The following MAPKAP1 variants were observed in gnomAD, a reference collection of about 807,000 sequenced individuals.
MAPKAP1 encodes the protein target of rapamycin complex 2 subunit MAPKAP1.
Under a neutral mutation model 65.7 loss-of-function variants are expected in MAPKAP1, and 20 were observed. That is an observed-to-expected ratio of 0.30 (90% CI 0.21 to 0.44). The LOEUF (loss-of-function observed/expected upper bound fraction) is 0.44. MAPKAP1 is among the 20% of genes least tolerant of loss of function. The probability of loss-of-function intolerance (pLI) is 1.00; values close to 1 mark genes in which losing one functional copy is unlikely to be tolerated. For synonymous variants in MAPKAP1, 222 were observed against 244.3 expected (o/e 0.91, Z 0.85); for missense variants, 423 against 648.0 (o/e 0.65, Z 3.77).
rs1306030802 is a variant in MAPKAP1 at position 125,577,842 on chromosome 9, G to A, written c.671+7713C>T. Among the ~76,000 whole-genome samples the A allele has an allele frequency of 2.8e-4, 41 of 147,676 alleles. No homozygotes were observed. In the South Asian group the frequency reaches 5.3e-3, roughly 19 times the overall value. On this transcript the variant is annotated intron_variant, in intron 5 of 11. Coordinates refer to ENST00000265960, the MANE Select transcript of MAPKAP1 (RefSeq NM_001006617.3). ...AGCCCCCGGCCCGGCCAACCGCCCC[G>A]TCCGGGAGCTGAGGGGCGCCTCTGC...
intron 7 of MAPKAP1, among the ~76,000 whole-genome samples, chr9:125,539,052 T>C (rs1390566987): frequency 1.3e-5 from 2 of 152,168 alleles, no homozygotes; most frequent in Non-Finnish European, 2.9e-5. Flanking sequence ...ACTGGTGACA[T>C]TCTAGGGGTC....
chr9:125,584,032 C>T (rs1831705666), intron 5 of MAPKAP1, among the ~76,000 whole-genome samples: 2 of 151,258 alleles, frequency 1.3e-5, no homozygotes, highest in Admixed American at 1.3e-4. Flanking sequence ...CACTGCACTC[C>T]AGCCTGGGCG....
intron 5 of MAPKAP1, among the ~76,000 whole-genome samples, chr9:125,573,647 C>G (rs1421675711): frequency 3.3e-5 from 5 of 152,148 alleles, no homozygotes; most frequent in Admixed American, 3.3e-4. Context: ...GGATCAAGAC[C>G]CCTGTCCTGT....
intron 1 of MAPKAP1, among the ~76,000 whole-genome samples, chr9:125,700,819 G>A (rs1252774375): frequency 1.3e-5 from 2 of 152,164 alleles, no homozygotes; most frequent in Non-Finnish European, 2.9e-5. Flanking sequence ...TGAAAGCTGG[G>A]TATTAAAATA....
chr9:125,472,498 C>T (rs1853959044), intron 9 of MAPKAP1, among the ~76,000 whole-genome samples: 1 of 152,182 alleles, frequency 6.6e-6, no homozygotes, highest in East Asian at 1.9e-4. Flanking sequence ...GACCACCGAG[C>T]ATAGTTTTGA....
At chr9:125,613,779 C>A (rs1195679250) in intron 4 of MAPKAP1, among the ~76,000 whole-genome samples, 1 of 151,922 alleles carries the variant, frequency 6.6e-6, no homozygotes, top group Non-Finnish European at 1.5e-5. Flanking sequence ...TACTATTTAA[C>A]CTTACTGAAA....
In MAPKAP1 at chr9:125,487,971, G is replaced by A. The variant is rs896514005; in HGVS notation, c.1067-3388C>T. ...TATATTTTGCTGAAATGTTAATAAT[G>A]GGCAGATGAGATGATAGGATTTTAG... On this transcript the variant is annotated intron_variant, in intron 8 of 11. Coordinates refer to ENST00000265960, the MANE Select transcript of MAPKAP1 (RefSeq NM_001006617.3). 4.6e-5 allele frequency among the ~76,000 whole-genome samples: 7 copies of A among 152,166 alleles called. No individual in the cohort carries two copies. The South Asian group carries it at 1.5e-3, about 32-fold the overall frequency.
At chr9:125,627,272 C>T (rs929167241) in intron 4 of MAPKAP1, among the ~76,000 whole-genome samples, 2 of 152,210 alleles carry the variant, frequency 1.3e-5, no homozygotes, top group African/African-American at 2.4e-5. Context: ...ATGATACACA[C>T]CCTCCCCACT....
At chr9:125,467,163 G>C (rs1416517147) in intron 10 of MAPKAP1, among the ~76,000 whole-genome samples, 2 of 152,180 alleles carry the variant, frequency 1.3e-5, no homozygotes, top group Admixed American at 6.5e-5. Context: ...GTCTGTACCA[G>C]ACTTTGAGAA....
chr9:125,672,020 G>C (rs1360887279), intron 2 of MAPKAP1, among the ~76,000 whole-genome samples: 1 of 152,116 alleles, frequency 6.6e-6, no homozygotes, highest in African/African-American at 2.4e-5. Flanking sequence ...GACACTCAAA[G>C]CCAGTCCACT....
chr9:125,661,624 T>C (rs981620114), intron 3 of MAPKAP1, among the ~76,000 whole-genome samples: 1 of 152,202 alleles, frequency 6.6e-6, no homozygotes, highest in African/African-American at 2.4e-5. Flanking sequence ...AATATGCTTA[T>C]ATATAGTTTT....
In MAPKAP1 at chr9:125,454,611, TG is replaced by T. The variant is rs529370477; in HGVS notation, c.1346-10014del. Reference sequence around the variant, plus strand: ...TCTCCCAGGGTTGCAAAAGGCTCTATGTTGTGCCACAAAATTGCTCCATACT... The same window carrying T: ...TCTCCCAGGGTTGCAAAAGGCTCTATTTGTGCCACAAAATTGCTCCATACT... On this transcript the variant is annotated intron_variant, in intron 10 of 11. Transcript: ENST00000265960. Among the ~76,000 whole-genome samples the T allele has an allele frequency of 5.9e-5, 9 of 152,344 alleles. No homozygotes were observed. The South Asian group carries it at 1.7e-3, about 28-fold the overall frequency.
chr9:125,536,726 G>A (rs1451741199), intron 7 of MAPKAP1, among the ~76,000 whole-genome samples: 2 of 152,200 alleles, frequency 1.3e-5, no homozygotes, highest in Admixed American at 1.3e-4. Context: ...CCAATTGCAT[G>A]TGAAGTAGGA....
chr9:125,519,450 A>T (rs1002678913), intron 7 of MAPKAP1, among the ~76,000 whole-genome samples: 1 of 151,916 alleles, frequency 6.6e-6, no homozygotes, highest in African/African-American at 2.4e-5. Context: ...CCTGAGCAAC[A>T]CAGTAAGATC....
chr9:125,657,291 CCT>C (rs1034019723), intron 4 of MAPKAP1, among the ~76,000 whole-genome samples: 9 of 152,032 alleles, frequency 5.9e-5, no homozygotes, highest in South Asian at 2.1e-4. Context: ...CTCCCCCTCC[CCT>C]TTCTCTCATA....
intron 4 of MAPKAP1, among the ~76,000 whole-genome samples, chr9:125,621,350 AT>A (rs1381042341): frequency 1.1e-4 from 16 of 152,176 alleles, no homozygotes; most frequent in African/African-American, 3.6e-4. Context: ...GACATGTACT[AT>A]CTCATTTAAT....
At chr9:125,670,382 T>C (rs1383443364) in intron 2 of MAPKAP1, among the ~76,000 whole-genome samples, 1 of 152,142 alleles carries the variant, frequency 6.6e-6, no homozygotes, top group Non-Finnish European at 1.5e-5. Context: ...TATCTAAAAA[T>C]CATGAAAATT....
chr9:125,560,952 G>A (rs1830875507), intron 5 of MAPKAP1, among the ~76,000 whole-genome samples: 1 of 152,226 alleles, frequency 6.6e-6, no homozygotes. Flanking sequence ...GACAGTGTAA[G>A]AGTGCAATCA....
intron 7 of MAPKAP1, among the ~76,000 whole-genome samples, chr9:125,527,964 C>A (rs899342675): frequency 6.6e-6 from 1 of 152,212 alleles, no homozygotes; most frequent in Admixed American, 6.5e-5. Context: ...AAAGTGGTGG[C>A]CTCAGGTGTG....
Sources: gnomAD v4.1 joint callset for allele counts (sites outside exome capture counted in the v4.1 genomes callset) on GRCh38, gnomAD v4.1.1 for gene constraint, MANE v1.5 for transcripts, NCBI Gene and HGNC (gene_info 2026-07-23, HGNC 2026-07-21) for gene names.